SYNE1: variants seen among roughly 807,000 people sequenced by gnomAD.
The protein encoded by SYNE1 is spectrin repeat containing nuclear envelope protein 1.
SYNE1 carries 616 observed loss-of-function variants against 1,111.0 expected under a neutral mutation model. That is an observed-to-expected ratio of 0.55 (90% confidence interval 0.52 to 0.59). SYNE1 has a LOEUF of 0.59. Among genes scored for constraint, SYNE1 ranks in the 20% least tolerant of loss-of-function variants. SYNE1 has a pLI of 0.00. For synonymous variants in SYNE1, 3,855 were observed against 3,825.8 expected (o/e 1.01, Z -0.28); for missense variants, 10,006 against 10,417.0 (o/e 0.96, Z 1.72).
intron 107 of SYNE1, among the ~76,000 whole-genome samples, chr6:152,241,144 T>G (rs1429037759): frequency 6.6e-6 from 1 of 152,224 alleles, no homozygotes; most frequent in Non-Finnish European, 1.5e-5. Flanking sequence ...TACTCATTGA[T>G]CCTAGTTTCC....
chr6:152,423,604 A>G (rs1442046818), intron 39 of SYNE1, among the ~76,000 whole-genome samples: 1 of 152,196 alleles, frequency 6.6e-6, no homozygotes, highest in Non-Finnish European at 1.5e-5. Context: ...TCTCTAGATA[A>G]TAAGTAAACA....
At chr6:152,314,085 C>T (rs2095636869) in intron 87 of SYNE1, among the ~76,000 whole-genome samples, 1 of 152,230 alleles carries the variant, frequency 6.6e-6, no homozygotes, top group Non-Finnish European at 1.5e-5. Context: ...GCCTTGTCAT[C>T]TTCTACTGAA....
chr6:152,345,091 C>T (rs2096607444), intron 73 of SYNE1, among the ~76,000 whole-genome samples: 1 of 152,098 alleles, frequency 6.6e-6, no homozygotes, highest in Non-Finnish European at 1.5e-5. Context: ...TTATTCCAAG[C>T]AGAATTTTTA....
chr6:152,292,087 G>C (rs1003330251), intron 95 of SYNE1, among the ~76,000 whole-genome samples: 19 of 152,166 alleles, frequency 1.2e-4, no homozygotes, highest in Non-Finnish European at 2.4e-4. Flanking sequence ...TGGAGCAACA[G>C]GGACACCCCT....
chr6:152,274,816 G>A (rs771031719), intron 98 of SYNE1, among the ~76,000 whole-genome samples: 5 of 152,010 alleles, frequency 3.3e-5, no homozygotes, highest in South Asian at 2.1e-4. Flanking sequence ...GGCTGGTCTC[G>A]AACTCCTGAC....
intron 3 of SYNE1, among the ~76,000 whole-genome samples, chr6:152,614,867 C>A: frequency 6.6e-6 from 1 of 152,284 alleles, no homozygotes; most frequent in South Asian, 2.1e-4. Context: ...TCATTCTCAG[C>A]AAACTATCAC....
At chr6:152,474,367 G>A (rs1247170611) in intron 14 of SYNE1, among the ~76,000 whole-genome samples, 1 of 152,096 alleles carries the variant, frequency 6.6e-6, no homozygotes, top group Non-Finnish European at 1.5e-5. Context: ...CCAAAAACTA[G>A]ATCACAGACC....
intron 87 of SYNE1, 85 bp downstream of exon 87, chr6:152,316,764 C>T: frequency 6.5e-7 from 1 of 1,535,874 alleles, no homozygotes; most frequent in Non-Finnish European, 8.9e-7. Context: ...TTTTACATCA[C>T]AGCCCTCTAA....
chr6:152,417,095 G>T, intron 40 of SYNE1, 80 bp from the exon 41 acceptor site: 2 of 1,590,526 alleles, frequency 1.3e-6, no homozygotes, highest in African/African-American at 2.7e-5. Flanking sequence ...TTTGTGATGT[G>T]AAGATCTATT....
At chr6:152,420,108 C>A (rs1466223346) in intron 39 of SYNE1, among the ~76,000 whole-genome samples, 2 of 152,154 alleles carry the variant, frequency 1.3e-5, no homozygotes, top group Non-Finnish European at 2.9e-5. Flanking sequence ...ACAGAAGTAA[C>A]CAAAGTTTTT....
chr6:152,442,893 C>A (rs979154473), intron 30 of SYNE1, among the ~76,000 whole-genome samples: 1 of 152,148 alleles, frequency 6.6e-6, no homozygotes. Context: ...CTGCAGTGAA[C>A]TATGATTGTG....
intron 124 of SYNE1, among the ~76,000 whole-genome samples, chr6:152,210,740 TTAGA>T (rs1391240050): frequency 2.0e-5 from 3 of 152,110 alleles, no homozygotes; most frequent in African/African-American, 7.2e-5. Flanking sequence ...GGAAAGTCGA[TTAGA>T]TAAAGTAAAT....
At chr6:152,194,107 A>G (rs2073429757) in intron 127 of SYNE1, among the ~76,000 whole-genome samples, 1 of 152,024 alleles carries the variant, frequency 6.6e-6, no homozygotes, top group Non-Finnish European at 1.5e-5. Context: ...TGAGTTCTGC[A>G]CCTTCACATG....
chr6:152,178,072 G>A lies in SYNE1; in HGVS notation c.23461-1512C>T, dbSNP rs370762831. Reference sequence around the variant, plus strand: ...AAAAACCCATGAGTTATTAATATACGAGGTAGTATAGTTAACATTTTAAAT... The same window carrying A: ...AAAAACCCATGAGTTATTAATATACAAGGTAGTATAGTTAACATTTTAAAT... On this transcript the variant is annotated intron_variant, in intron 129 of 145. Coordinates refer to ENST00000367255, the MANE Select transcript of SYNE1 (RefSeq NM_182961.4). Among the ~76,000 whole-genome samples, 13 of 151,992 alleles carry A rather than the reference G, an allele frequency of 8.6e-5. No homozygotes were observed. In the South Asian group the frequency reaches 2.1e-3, roughly 24 times the overall value.
chr6:152,361,845 TAA>T (rs71749478), intron 64 of SYNE1, among the ~76,000 whole-genome samples: 1,628 of 137,608 alleles, frequency 0.012, 10 homozygotes, highest in African/African-American at 0.014. Flanking sequence ...AGGGATGTGA[TAA>T]AAAAAAAAAA....
chr6:152,474,564 G>A (rs1354640006), intron 14 of SYNE1: 1 of 152,196 alleles, frequency 6.6e-6, no homozygotes, highest in African/African-American at 2.4e-5. Flanking sequence ...TACAATAGGA[G>A]GAAAGCAGAG....
At chr6:152,548,408 TG>T (rs1163852254) in intron 3 of SYNE1, among the ~76,000 whole-genome samples, 4 of 152,222 alleles carry the variant, frequency 2.6e-5, no homozygotes, top group Admixed American at 2.6e-4. Flanking sequence ...TCAGAATGGC[TG>T]GACCACAATT....
chr6:152,584,785 A>G (rs2099532147), intron 3 of SYNE1, among the ~76,000 whole-genome samples: 1 of 152,218 alleles, frequency 6.6e-6, no homozygotes, highest in Non-Finnish European at 1.5e-5. Context: ...GAAAATATGC[A>G]GAAAATATTT....
intron 28 of SYNE1, 151 bp downstream of exon 28, chr6:152,449,382 C>T (rs1394445914): frequency 1.5e-6 from 1 of 667,442 alleles, no homozygotes; most frequent in Non-Finnish European, 2.7e-6. Context: ...TCTACATGCT[C>T]CACAGTAATA....
Sources: allele counts gnomAD v4.1 joint callset (sites outside exome capture counted in the v4.1 genomes callset), GRCh38; gene constraint gnomAD v4.1.1; transcripts MANE v1.5; gene names NCBI Gene and HGNC (gene_info 2026-07-23, HGNC 2026-07-21).